Variants in CNTNAP5 observed in about 807,000 individuals in gnomAD.
CNTNAP5 encodes contactin-associated protein-like 5.
In CNTNAP5, 72 loss-of-function variants were observed where a neutral mutation model predicts 150.2. The observed-to-expected ratio is 0.48, with a 90% CI of 0.40 to 0.58. The LOEUF (loss-of-function observed/expected upper bound fraction) is 0.58. Among genes scored for constraint, CNTNAP5 ranks in the 20% least tolerant of loss-of-function variants. The pLI is 0.00. For synonymous variants in CNTNAP5, 672 were observed against 619.8 expected, an observed-to-expected ratio of 1.08 and a Z score of -1.25; for missense variants, 1,636 against 1,626.2, an observed-to-expected ratio of 1.01 and a Z score of -0.10.
intron 13 of CNTNAP5, among the ~76,000 whole-genome samples, chr2:124,709,098 C>T (rs550530698): frequency 2.0e-5 from 3 of 152,074 alleles, no homozygotes; most frequent in African/African-American, 4.8e-5. Context: ...TTTCCTGCCT[C>T]GGGCCCATAA....
chr2:124,282,620 CT>C (rs776391686), intron 3 of CNTNAP5, among the ~76,000 whole-genome samples: 2,606 of 143,808 alleles, frequency 0.018, 57 homozygotes, highest in African/African-American at 0.052. Context: ...AGGTGAAGGA[CT>C]TTTTTTTTTT....
Position 124,814,415 on chromosome 2 carries a change from C to A in CNTNAP5, c.3217+16095C>A, listed in dbSNP as rs183453411. ...AGTCTATTACAGAAATTGTCACAAG[C>A]ACTGTTCACTTGTATCCACTGCTAT... On this transcript the variant is annotated intron_variant, in intron 19 of 23. Transcript: ENST00000682447. 2.8e-4 allele frequency among the ~76,000 whole-genome samples: 42 copies of A among 152,230 alleles called. 1 individual carries two copies. Among genetic ancestry groups the A allele is most frequent in the Admixed American group, 2.7e-3 (42 of 15,280 alleles).
chr2:124,456,885 C>T (rs1020823949), intron 6 of CNTNAP5, among the ~76,000 whole-genome samples: 1 of 152,144 alleles, frequency 6.6e-6, no homozygotes, highest in Non-Finnish European at 1.5e-5. Context: ...AAACTAGATC[C>T]TCATCTCACA....
chr2:124,761,439 A>C (rs981731956), intron 14 of CNTNAP5, among the ~76,000 whole-genome samples: 1 of 152,124 alleles, frequency 6.6e-6, no homozygotes, highest in Non-Finnish European at 1.5e-5. Context: ...TTTTTAAAGA[A>C]ATTTAAAATT....
At chr2:124,364,464 C>T (rs888603117) in intron 3 of CNTNAP5, among the ~76,000 whole-genome samples, 29 of 152,104 alleles carry the variant, frequency 1.9e-4, no homozygotes, top group African/African-American at 6.3e-4. Context: ...TTCTATCACA[C>T]GATATCATTA....
chr2:124,237,069 C>A (rs1304722180), intron 2 of CNTNAP5, among the ~76,000 whole-genome samples: 1 of 152,034 alleles, frequency 6.6e-6, no homozygotes, highest in Non-Finnish European at 1.5e-5. Context: ...GCAGAAGTTG[C>A]AGTGAGCCGA....
At chr2:124,341,313 G>A (rs1326425127) in intron 3 of CNTNAP5, among the ~76,000 whole-genome samples, 1 of 152,060 alleles carries the variant, frequency 6.6e-6, no homozygotes, top group African/African-American at 2.4e-5. Context: ...AAAGTCATTG[G>A]TTCTGAAGCT....
At chr2:124,210,087 G>A (rs1685968178) in intron 1 of CNTNAP5, among the ~76,000 whole-genome samples, 1 of 152,156 alleles carries the variant, frequency 6.6e-6, no homozygotes, top group Non-Finnish European at 1.5e-5. Flanking sequence ...AGGCATGGGA[G>A]ACTAGTGAAC....
intron 3 of CNTNAP5, among the ~76,000 whole-genome samples, chr2:124,383,492 T>G (rs1479385448): frequency 1.3e-5 from 2 of 152,190 alleles, no homozygotes; most frequent in Non-Finnish European, 2.9e-5. Context: ...CTTACATCAT[T>G]GTGCTTACAG....
chr2:124,648,070 T>G, intron 13 of CNTNAP5, 112 bp downstream of exon 13: 2 of 907,926 alleles, frequency 2.2e-6, no homozygotes. Flanking sequence ...TTAGTCACTG[T>G]GCACTCGAGA....
At chr2:124,537,861 C>T (rs1558944889) in intron 10 of CNTNAP5, among the ~76,000 whole-genome samples, 1 of 152,128 alleles carries the variant, frequency 6.6e-6, no homozygotes, top group Non-Finnish European at 1.5e-5. Flanking sequence ...TCCTTCTCCA[C>T]CTGTGCATAT....
Position 124,351,384 on chromosome 2 carries a change from A to G in CNTNAP5, c.382-66059A>G, listed in dbSNP as rs1233782510. 2.0e-5 allele frequency among the ~76,000 whole-genome samples: 3 copies of G among 152,098 alleles called. No individual in the cohort carries two copies. In the East Asian group the frequency reaches 5.8e-4, roughly 29 times the overall value. ...TACATCCTGGCTCCACTGGCTGTCT[A>G]TCATTTGTTCAGTTCACCTTCTCTG... On this transcript the variant is annotated intron_variant, in intron 3 of 23. Transcript: ENST00000682447.
At chr2:124,317,610 C>A (rs775483412) in intron 3 of CNTNAP5, among the ~76,000 whole-genome samples, 3 of 151,996 alleles carry the variant, frequency 2.0e-5, no homozygotes, top group Non-Finnish European at 4.4e-5. Flanking sequence ...AAAACAAATA[C>A]ACTTTTTCTG....
intron 1 of CNTNAP5, among the ~76,000 whole-genome samples, chr2:124,112,194 T>G (rs142619506): frequency 1.3e-3 from 200 of 152,332 alleles, no homozygotes; most frequent in African/African-American, 4.6e-3. Flanking sequence ...TAATTTTAGC[T>G]TGTCCTTCCT....
At chr2:124,691,875 A>C (rs986918517) in intron 13 of CNTNAP5, among the ~76,000 whole-genome samples, 49 of 152,068 alleles carry the variant, frequency 3.2e-4, no homozygotes, top group African/African-American at 1.1e-3. Flanking sequence ...TGCTCTTCTT[A>C]TTAAGAGACA....
chr2:124,713,314 CTTTCCTTTCTTT>C (rs1462350573), intron 13 of CNTNAP5, among the ~76,000 whole-genome samples: 3 of 79,874 alleles, frequency 3.8e-5, no homozygotes, highest in African/African-American at 1.2e-4. Flanking sequence ...CTTTCTCTTT[CTTTCCTTTCTTT>C]CTTTCTTTCT....
chr2:124,893,067 G>A (rs1558816158), intron 21 of CNTNAP5, among the ~76,000 whole-genome samples: 1 of 152,074 alleles, frequency 6.6e-6, no homozygotes, highest in Non-Finnish European at 1.5e-5. Flanking sequence ...TGAAAAACGT[G>A]TATAGAATAT....
At chr2:124,755,875 T>C (rs1291920024) in intron 14 of CNTNAP5, among the ~76,000 whole-genome samples, 1 of 152,168 alleles carries the variant, frequency 6.6e-6, no homozygotes, top group African/African-American at 2.4e-5. Flanking sequence ...CTCAGTAATA[T>C]TTTATTATGT....
chr2:124,131,619 G>A (rs937127479), intron 1 of CNTNAP5, among the ~76,000 whole-genome samples: 4 of 152,088 alleles, frequency 2.6e-5, no homozygotes, highest in Non-Finnish European at 5.9e-5. Context: ...TAGTTCTGGC[G>A]GCTCCATGCA....
Sources: gnomAD v4.1 joint callset for allele counts (sites outside exome capture counted in the v4.1 genomes callset) on GRCh38, gnomAD v4.1.1 for gene constraint, MANE v1.5 for transcripts, NCBI Gene and HGNC (gene_info 2026-07-23, HGNC 2026-07-21) for gene names.